Variants in UBE2D1 observed in about 807,000 individuals in gnomAD.
UBE2D1 encodes ubiquitin conjugating enzyme E2 D1.
UBE2D1 carries 9 observed loss-of-function variants against 24.6 expected under a neutral mutation model. That is an observed-to-expected ratio of 0.37 (90% CI 0.22 to 0.64). UBE2D1 has a LOEUF of 0.64. UBE2D1 is among the 30% of genes least tolerant of loss of function. The pLI is 0.64. For synonymous variants in UBE2D1, 57 were observed against 57.6 expected (o/e 0.99, Z 0.04); for missense variants, 87 against 177.1 (o/e 0.49, Z 2.89).
intron 1 of UBE2D1, among the ~76,000 whole-genome samples, chr10:58,342,549 CT>C (rs1331182120): frequency 6.6e-6 from 1 of 152,104 alleles, no homozygotes; most frequent in Non-Finnish European, 1.5e-5. Flanking sequence ...CATTTTTCTT[CT>C]CTTCTCTTAA....
At chr10:58,343,483 G>T (rs908083119) in intron 1 of UBE2D1, among the ~76,000 whole-genome samples, 6 of 151,990 alleles carry the variant, frequency 3.9e-5, no homozygotes, top group Non-Finnish European at 8.8e-5. Flanking sequence ...CATAACATAA[G>T]ATCCTTAGGT....
chr10:58,370,276 C>T lies in UBE2D1; in HGVS notation c.*1511C>T, dbSNP rs188463014. The T allele has an allele frequency of 8.5e-5, 13 of 152,178 alleles. No individual in the cohort carries two copies. The East Asian group carries it at 2.4e-3, about 29-fold the overall frequency. The allele number at this position is 152,178 out of a possible 1,614,324, so 9.4% of individuals were successfully genotyped here. A position where few individuals can be genotyped will look rare whatever the true frequency, so the allele number is the denominator to read the frequency against. Reference sequence around the variant, plus strand: ...GTGTCATTTTTAAGAACAGTTGTAGCCCTTCTGATTATTGCAGTAGCTGTA... The same window carrying T: ...GTGTCATTTTTAAGAACAGTTGTAGTCCTTCTGATTATTGCAGTAGCTGTA... On this transcript the variant is annotated 3_prime_UTR_variant, in exon 7 of 7. Transcript: ENST00000373910.
intron 1 of UBE2D1, among the ~76,000 whole-genome samples, chr10:58,350,540 C>G (rs1840062847): frequency 6.6e-6 from 1 of 152,172 alleles, no homozygotes. Context: ...AATATTTTCT[C>G]TCACTTTGTG....
chr10:58,335,820 C>T (rs918203809), intron 1 of UBE2D1, among the ~76,000 whole-genome samples: 1 of 152,180 alleles, frequency 6.6e-6, no homozygotes, highest in East Asian at 1.9e-4. Context: ...TATTTTGGTG[C>T]CTCTGCTGCT....
Position 58,358,747 on chromosome 10 carries a change from T to G in UBE2D1, c.25-2591T>G, listed in dbSNP as rs185759302. On this transcript the variant is annotated intron_variant, in intron 1 of 6. Coordinates refer to ENST00000373910, the MANE Select transcript of UBE2D1 (RefSeq NM_003338.5). ...GTTAAGTCAAAGTCTGAAATCTGTT[T>G]CCTTATTGCTTTTTCTTTTTCTTTT... Among the ~76,000 whole-genome samples the G allele has an allele frequency of 2.9e-3, 444 of 152,086 alleles. 1 individual carries two copies. The highest frequency in any genetic ancestry group is 5.4e-3 in the Admixed American group (83 of 15,272).
chr10:58,339,758 C>CT (rs59588627), intron 1 of UBE2D1, among the ~76,000 whole-genome samples: 15,045 of 142,466 alleles, frequency 0.11, 1,455 homozygotes, highest in African/African-American at 0.26. Context: ...TTCCACATTC[C>CT]TTTTTTTTTT....
intron 1 of UBE2D1, among the ~76,000 whole-genome samples, chr10:58,338,008 C>T (rs990317209): frequency 2.6e-5 from 4 of 151,834 alleles, no homozygotes; most frequent in South Asian, 2.1e-4. Context: ...TGCCATGCCC[C>T]GCTGATTTTT....
chr10:58,356,212 A>C (rs540248530), intron 1 of UBE2D1, among the ~76,000 whole-genome samples: 22 of 152,326 alleles, frequency 1.4e-4, no homozygotes, highest in Middle Eastern at 3.4e-3. Context: ...TGTAGAAAAC[A>C]TAAAGAAGTA....
At chr10:58,354,078 C>T (rs992581929) in intron 1 of UBE2D1, among the ~76,000 whole-genome samples, 2 of 152,098 alleles carry the variant, frequency 1.3e-5, no homozygotes, top group Non-Finnish European at 2.9e-5. Context: ...ATCTATTATA[C>T]ATGTCGGGTA....
At chr10:58,359,544 A>T (rs1421687783) in intron 1 of UBE2D1, among the ~76,000 whole-genome samples, 1 of 152,182 alleles carries the variant, frequency 6.6e-6, no homozygotes, top group Non-Finnish European at 1.5e-5. Context: ...AGGATTACAG[A>T]TTCAACATAT....
At chr10:58,350,840 T>C (rs931517237) in intron 1 of UBE2D1, among the ~76,000 whole-genome samples, 3 of 152,200 alleles carry the variant, frequency 2.0e-5, no homozygotes, top group Non-Finnish European at 4.4e-5. Flanking sequence ...CGAGTGTACT[T>C]ACACAAACCT....
chr10:58,347,796 T>G (rs747830332), intron 1 of UBE2D1, among the ~76,000 whole-genome samples: 1 of 152,062 alleles, frequency 6.6e-6, no homozygotes. Flanking sequence ...TACAGACATG[T>G]GCCACCAAGC....
rs561118252 is a variant in UBE2D1 at position 58,367,861 on chromosome 10, A to G, written c.305-62A>G. On this transcript the variant is annotated intron_variant, in intron 5 of 6. Transcript: ENST00000373910. ...CTATATTCACTAAAATTATTTTCAC[A>G]TATGTAATTTGTATGAAGTAGAAGG... 1.2e-4 allele frequency: 132 copies of G among 1,114,732 alleles called. 1 individual carries two copies. In the South Asian group the frequency reaches 1.7e-3, roughly 14 times the overall value. 69.1% of individuals were successfully genotyped at this position (1,114,732 alleles called of 1,614,324 possible).
chr10:58,335,406 G>A (rs1001109045), intron 1 of UBE2D1, among the ~76,000 whole-genome samples, 181 bp downstream of exon 1: 1 of 152,222 alleles, frequency 6.6e-6, no homozygotes, highest in Non-Finnish European at 1.5e-5. Context: ...GTGGGAGCAG[G>A]GTCAGGTCCC....
chr10:58,338,577 T>C (rs1031921340), intron 1 of UBE2D1, among the ~76,000 whole-genome samples: 1 of 152,204 alleles, frequency 6.6e-6, no homozygotes, highest in Non-Finnish European at 1.5e-5. Flanking sequence ...ATCAATACTA[T>C]TTTCATTACT....
At chr10:58,345,273 C>A (rs1034991663) in intron 1 of UBE2D1, among the ~76,000 whole-genome samples, 1 of 151,856 alleles carries the variant, frequency 6.6e-6, no homozygotes, top group Admixed American at 6.6e-5. Flanking sequence ...GAGTTTGAGA[C>A]CATCCTGGGC....
chr10:58,368,061 A>G, intron 6 of UBE2D1, 45 bp downstream of exon 6: 8 of 1,336,342 alleles, frequency 6.0e-6, no homozygotes, highest in Non-Finnish European at 8.5e-6. Flanking sequence ...ACATTCCTAT[A>G]TAGTATGCCA....
At chr10:58,335,421 G>T (rs1002864002) in intron 1 of UBE2D1, among the ~76,000 whole-genome samples, 196 bp downstream of exon 1, 1 of 152,226 alleles carries the variant, frequency 6.6e-6, no homozygotes, top group Admixed American at 6.5e-5. Context: ...GGTCCCAGGC[G>T]GCCGGAGGAG....
intron 5 of UBE2D1, among the ~76,000 whole-genome samples, chr10:58,366,683 A>G (rs1435628519): frequency 2.0e-5 from 3 of 150,512 alleles, no homozygotes; most frequent in African/African-American, 4.9e-5. Flanking sequence ...GCCTCAAGTG[A>G]TCCTCCTGCC....
Sources: gnomAD v4.1 joint callset for allele counts (sites outside exome capture counted in the v4.1 genomes callset) on GRCh38, gnomAD v4.1.1 for gene constraint, MANE v1.5 for transcripts, NCBI Gene and HGNC (gene_info 2026-07-23, HGNC 2026-07-21) for gene names.